Variants in APCDD1L observed in about 807,000 individuals in gnomAD.
APCDD1L encodes the protein APC down-regulated 1 like.
Under a neutral mutation model 24.2 loss-of-function variants are expected in APCDD1L, and 21 were observed. That is an observed-to-expected ratio of 0.87 (90% confidence interval 0.61 to 1.25). The LOEUF is 1.25. Ranked by LOEUF, APCDD1L falls within the 50% of genes most tolerant of loss-of-function variation. APCDD1L has a pLI of 0.00. For synonymous variants in APCDD1L, 321 were observed against 323.6 expected (o/e 0.99, Z 0.09); for missense variants, 704 against 711.7 (o/e 0.99, Z 0.12).
chr20:58,499,210 G>A (rs997152548), intron 1 of APCDD1L, among the ~76,000 whole-genome samples: 1 of 152,166 alleles, frequency 6.6e-6, no homozygotes, highest in Non-Finnish European at 1.5e-5. Flanking sequence ...TTCTACCAGG[G>A]GAAGGAAAAC....
Position 58,514,769 on chromosome 20 carries a change from G to T in APCDD1L, c.-62C>A, listed in dbSNP as rs543803763. 2.4e-6 allele frequency: 3 copies of T among 1,238,954 alleles called. No homozygotes were observed. Among genetic ancestry groups the T allele is most frequent in the East Asian group, 6.1e-5 (2 of 32,568 alleles). The allele number at this position is 1,238,954 out of a possible 1,614,324, so 76.7% of individuals were successfully genotyped here. Reference sequence around the variant, plus strand: ...CCACGGTGCGCAAGGGGAGGCGCGGGCGCAGGGCTCTCGGACGGCTGCGGG... The same window carrying T: ...CCACGGTGCGCAAGGGGAGGCGCGGTCGCAGGGCTCTCGGACGGCTGCGGG... On this transcript the variant is annotated 5_prime_UTR_variant, in exon 1 of 4. Transcript: ENST00000371149.
In APCDD1L at chr20:58,461,381, G is replaced by A. The variant is rs755841775; in HGVS notation, c.915C>T (p.His305=). 3.4e-5 allele frequency: 53 copies of A among 1,560,530 alleles called. No homozygotes were observed. The highest frequency in any genetic ancestry group is 1.7e-4 in the Middle Eastern group (1 of 5,780). ...VLFLTRLFTF[H]GHSRSWEGYY... ...ACCCTTCCCAGGAGCGGCTGTGCCC[G>A]TGGAAAGTGAAGAGCCGGGTGAGGA... Residue 305 remains histidine (H), a synonymous_variant, in exon 4 of 4, where the codon CAC becomes CAT. Coordinates refer to ENST00000371149, the MANE Select transcript of APCDD1L (RefSeq NM_153360.3). This position sits in a 1 kb window ranked among gnomAD's most constrained non-coding sequence, Gnocchi z 6.0.
At chr20:58,485,743 C>T (rs1179643447) in intron 1 of APCDD1L, among the ~76,000 whole-genome samples, 3 of 152,212 alleles carry the variant, frequency 2.0e-5, no homozygotes, top group African/African-American at 7.2e-5. Context: ...TACAGCTTAT[C>T]TGAATATTCT....
intron 3 of APCDD1L, among the ~76,000 whole-genome samples, chr20:58,463,162 A>G (rs963121003): frequency 7.3e-5 from 11 of 151,136 alleles, no homozygotes; most frequent in African/African-American, 2.2e-4. Flanking sequence ...AAAAAAAAAA[A>G]AAAAATTATG....
At chr20:58,470,903 C>T (rs1264636493) in intron 1 of APCDD1L, among the ~76,000 whole-genome samples, 156 bp from the exon 2 acceptor site, 1 of 152,278 alleles carries the variant, frequency 6.6e-6, no homozygotes, top group South Asian at 2.1e-4. Flanking sequence ...GTTCTGGAGA[C>T]AGTGATGGGT....
In APCDD1L at chr20:58,461,124, C is replaced by A; in HGVS notation, c.1172G>T (p.Arg391Leu). Residue 391 changes from arginine (R) to leucine (L), a missense_variant, in exon 4 of 4, where the codon CGG (arginine) becomes CTG (leucine). Arg to Leu is a moderately radical substitution (Grantham distance 102). Coordinates refer to ENST00000371149, the MANE Select transcript of APCDD1L (RefSeq NM_153360.3). This position sits in a 1 kb window ranked among gnomAD's most constrained non-coding sequence, Gnocchi z 6.0. Reference sequence around the variant, plus strand: ...GCAGCCGTTGGTGGCTGTGACATCCCGCTCAGTGCCCATGGACCAGGCCCC... The same window carrying A: ...GCAGCCGTTGGTGGCTGTGACATCCAGCTCAGTGCCCATGGACCAGGCCCC... ...GAGAWSMGTE[R>L]DVTATNGCLP... 1 of 1,613,720 alleles carries A rather than the reference C, an allele frequency of 6.2e-7. No individual in the cohort carries two copies. The highest frequency in any genetic ancestry group is 1.3e-5 in the African/African-American group (1 of 75,004).
chr20:58,504,077 G>A (rs1025689613), intron 1 of APCDD1L, among the ~76,000 whole-genome samples: 1 of 152,236 alleles, frequency 6.6e-6, no homozygotes, highest in Admixed American at 6.5e-5. Context: ...AGCAAAAGAA[G>A]GAGGAATGGA....
intron 1 of APCDD1L, among the ~76,000 whole-genome samples, chr20:58,482,055 A>ACGGGGGCCTTTGGGTCAGCTG (rs1990035125): frequency 6.6e-6 from 1 of 152,196 alleles, no homozygotes; most frequent in Non-Finnish European, 1.5e-5. Context: ...AGACACATAT[A>ACGGGGGCCTTTGGGTCAGCTG]CGGGGGCCTT....
Position 58,461,538 on chromosome 20 carries a change from C to G in APCDD1L, c.758G>C (p.Cys253Ser). The G allele has an allele frequency of 1.4e-6, 2 of 1,428,784 alleles. No individual in the cohort carries two copies. Among genetic ancestry groups the G allele is most frequent in the Non-Finnish European group, 1.8e-6 (2 of 1,085,314 alleles). The allele number at this position is 1,428,784 out of a possible 1,614,324, so 88.5% of individuals were successfully genotyped here. A position where few individuals can be genotyped will look rare whatever the true frequency, so the allele number is the denominator to read the frequency against. The change falls in exon 4 of 4, where the codon TGC becomes TCC. Residue 253 changes from cysteine to serine, a missense_variant. Cys to Ser is a moderately radical substitution (Grantham distance 112). Coordinates refer to ENST00000371149, the MANE Select transcript of APCDD1L (RefSeq NM_153360.3). This position sits in a 1 kb window ranked among gnomAD's most constrained non-coding sequence, Gnocchi z 6.0. ...GCGGGCAATGAGGCCACAGGCTGGG[C>G]ACGGCTGCACGTGGTGCTGGCAAAA... is the stretch of plus-strand genomic sequence containing the variant. Reference protein sequence around the residue: ...LQSALHHVQPCPACGLIARSD... With the variant: ...LQSALHHVQPSPACGLIARSD...
At chr20:58,496,388 C>T (rs571828186) in intron 1 of APCDD1L, among the ~76,000 whole-genome samples, 4 of 152,350 alleles carry the variant, frequency 2.6e-5, no homozygotes, top group South Asian at 2.1e-4. Context: ...GACAGCCTGA[C>T]GCCTGCCCCC....
In APCDD1L at chr20:58,461,712, C is replaced by A; in HGVS notation, c.742-158G>T. ...CCTCACTCCCTGCCTTCAGTCAGGA[C>A]GACCTCCTTGCTTCAGCCAGGATGG... On this transcript the variant is annotated intron_variant, in intron 3 of 3. Coordinates refer to ENST00000371149, the MANE Select transcript of APCDD1L (RefSeq NM_153360.3). This position sits in a 1 kb window ranked among gnomAD's most constrained non-coding sequence, Gnocchi z 6.0. 1.4e-6 allele frequency: 1 copy of A among 734,686 alleles called. No individual in the cohort carries two copies. The allele number at this position is 734,686 out of a possible 1,614,324, so 45.5% of individuals were successfully genotyped here.
chr20:58,486,076 A>C (rs6026302), intron 1 of APCDD1L, among the ~76,000 whole-genome samples: 87,952 of 152,054 alleles, frequency 0.58, 26,281 homozygotes, highest in African/African-American at 0.72. Context: ...CTCAAAGGTC[A>C]CCCAATACAC....
At chr20:58,489,056 G>A (rs886718581) in intron 1 of APCDD1L, among the ~76,000 whole-genome samples, 5 of 152,052 alleles carry the variant, frequency 3.3e-5, no homozygotes, top group East Asian at 3.9e-4. Context: ...AATGAAAAAC[G>A]GACAAAATTA....
Position 58,469,012 on chromosome 20 carries a change from A to T in APCDD1L, c.189-1354T>A, listed in dbSNP as rs575627650. Reference sequence around the variant, plus strand: ...CAGAGCTAATGTGTCTTTAATGCCAACCTCCCTGTTCTCCCAGAGAGAGCA... The same window carrying T: ...CAGAGCTAATGTGTCTTTAATGCCATCCTCCCTGTTCTCCCAGAGAGAGCA... On this transcript the variant is annotated intron_variant, in intron 2 of 3. Coordinates refer to ENST00000371149, the MANE Select transcript of APCDD1L (RefSeq NM_153360.3). Among the ~76,000 whole-genome samples the T allele has an allele frequency of 9.2e-5, 14 of 152,070 alleles. No individual in the cohort carries two copies. The South Asian group carries it at 2.9e-3, about 32-fold the overall frequency.
In APCDD1L at chr20:58,494,940, T is replaced by C. The variant is rs1458876913; in HGVS notation, c.49+19719A>G. ...TCATTCTCCTCCTTCAGCTCAAGCG[T>C]CTCCTCTTCAGTGAGAACACCCCCA... On this transcript the variant is annotated intron_variant, in intron 1 of 3. Coordinates refer to ENST00000371149, the MANE Select transcript of APCDD1L (RefSeq NM_153360.3). This position sits in a 1 kb window ranked among gnomAD's most constrained non-coding sequence, Gnocchi z 4.8. 6.6e-6 allele frequency among the ~76,000 whole-genome samples: 1 copy of C among 152,138 alleles called. No homozygotes were observed. Among genetic ancestry groups the C allele is most frequent in the Non-Finnish European group, 1.5e-5 (1 of 68,014 alleles).
At chr20:58,473,607 C>CTG (rs1568738655) in intron 1 of APCDD1L, among the ~76,000 whole-genome samples, 2 of 151,584 alleles carry the variant, frequency 1.3e-5, no homozygotes, top group Non-Finnish European at 2.9e-5. Context: ...CTTCCCCCCC[C>CTG]ACCCCTTCTC....
rs750361934 is a variant in APCDD1L at position 58,467,652 on chromosome 20, C to T, written c.195G>A (p.Glu65=). 7 of 1,494,640 alleles carry T rather than the reference C, an allele frequency of 4.7e-6. No individual in the cohort carries two copies. The East Asian group carries it at 1.8e-4, about 39-fold the overall frequency. The allele number at this position is 1,494,640 out of a possible 1,614,324, so 92.6% of individuals were successfully genotyped here. The change falls in exon 3 of 4, where the codon GAG becomes GAA. Residue 65 remains glutamate, a synonymous_variant. Coordinates refer to ENST00000371149, the MANE Select transcript of APCDD1L (RefSeq NM_153360.3). This position sits in a 1 kb window ranked among gnomAD's most constrained non-coding sequence, Gnocchi z 5.9. The part of the protein sequence containing the change: ...LNGPWISTGC[E]VRPGPEFLTR... Reference sequence around the variant, plus strand: ...TCAGGAACTCCGGTCCTGGGCGCACCTCGCAGCTGCAGGGGTGGAAGGAGA... The same window carrying T: ...TCAGGAACTCCGGTCCTGGGCGCACTTCGCAGCTGCAGGGGTGGAAGGAGA...
At chr20:58,462,662 G>A (rs377343927) in intron 3 of APCDD1L, among the ~76,000 whole-genome samples, 3 of 152,018 alleles carry the variant, frequency 2.0e-5, no homozygotes, top group Non-Finnish European at 1.5e-5. Flanking sequence ...TGGCCAACAC[G>A]GTGAAAACTC....
chr20:58,468,488 C>T (rs559338394), intron 2 of APCDD1L, among the ~76,000 whole-genome samples: 30 of 151,854 alleles, frequency 2.0e-4, no homozygotes, highest in East Asian at 1.2e-3. Context: ...GTAGGGTGGA[C>T]GGTGGATGAA....
Sources: gnomAD v4.1 joint callset for allele counts (sites outside exome capture counted in the v4.1 genomes callset) on GRCh38, gnomAD v4.1.1 for gene constraint, Gnocchi (gnomAD v3.1) non-coding constraint, MANE v1.5 for transcripts, NCBI Gene and HGNC (gene_info 2026-07-23, HGNC 2026-07-21) for gene names.